RPS6KB1: variants seen among roughly 807,000 people sequenced by gnomAD.
RPS6KB1 encodes ribosomal protein S6 kinase beta-1.
A neutral mutation model predicts 70.2 loss-of-function variants in RPS6KB1; 12 were observed. That is an observed-to-expected ratio of 0.17 (90% CI 0.11 to 0.28). RPS6KB1 has a LOEUF of 0.28. Ranked by LOEUF, RPS6KB1 falls within the 10% of genes least tolerant of loss-of-function variation. The probability of loss-of-function intolerance (pLI) is 1.00; values close to 1 mark genes in which losing one functional copy is unlikely to be tolerated. For missense variants in RPS6KB1, 270 were observed against 646.6 expected, an observed-to-expected ratio of 0.42 and a Z score of 6.32; for synonymous variants, 175 against 211.2, an observed-to-expected ratio of 0.83 and a Z score of 1.49.
chr17:59,947,064 A>G lies in RPS6KB1; in HGVS notation c.*276A>G. ...AACCTTATCAAGGATTTTCATGTTG[A>G]TGACTCGAAACTGACAGTATTAAGG... On this transcript the variant is annotated 3_prime_UTR_variant, in exon 15 of 15. Transcript: ENST00000225577. 6 of 1,271,438 alleles carry G rather than the reference A, an allele frequency of 4.7e-6. No homozygotes were observed. Among genetic ancestry groups the G allele is most frequent in the Non-Finnish European group, 6.0e-6 (6 of 999,454 alleles). The allele number at this position is 1,271,438 out of a possible 1,614,324, so 78.8% of individuals were successfully genotyped here.
chr17:59,926,360 G>T (rs1354082854), intron 4 of RPS6KB1, 75 bp from the exon 5 acceptor site: 5 of 1,142,076 alleles, frequency 4.4e-6, no homozygotes, highest in African/African-American at 1.6e-5. Context: ...ACACAAAATA[G>T]ATTTTAGAAT....
At chr17:59,938,170 CT>C (rs72001861) in intron 12 of RPS6KB1, among the ~76,000 whole-genome samples, 21,302 of 70,392 alleles carry the variant, frequency 0.3, 1,794 homozygotes, top group East Asian at 0.43. Flanking sequence ...TCTTTTCTTT[CT>C]TTTTTTTTTT....
chr17:59,946,484 T>C lies in RPS6KB1; in HGVS notation c.1341-67T>C. 1 of 1,212,672 alleles carries C rather than the reference T, an allele frequency of 8.2e-7. No homozygotes were observed. Among genetic ancestry groups the C allele is most frequent in the Non-Finnish European group, 1.2e-6 (1 of 824,786 alleles). 75.1% of individuals were successfully genotyped at this position (1,212,672 alleles called of 1,614,324 possible). ...CATGTTACCCCACTCCCTTTAAACG[T>C]AAAGGAAATATGTCTTGTTGAGATG... On this transcript the variant is annotated intron_variant, in intron 14 of 14. Transcript: ENST00000225577. This position sits in a 1 kb window ranked among gnomAD's most constrained non-coding sequence, Gnocchi z 4.2.
chr17:59,935,153 C>T (rs1371749431), intron 9 of RPS6KB1, 40 bp from the exon 10 acceptor site: 3 of 1,252,164 alleles, frequency 2.4e-6, no homozygotes. Context: ...TAATATTTTT[C>T]TCTCCCTGCT....
At position 59,921,833 on chromosome 17, in the gene RPS6KB1, C is replaced by T. The variant is rs188158772; in HGVS notation, c.382-4602C>T. Among the ~76,000 whole-genome samples the T allele has an allele frequency of 1.6e-3, 241 of 152,310 alleles. 4 individuals are homozygous for T. The South Asian group carries it at 0.023, about 15-fold the overall frequency. ...AGAACCTTTGGCCAAAGGTGTTCTCCACCTCTGAAATATTGCGGTTTCATA... is the reference window on the plus strand; with the variant it reads ...AGAACCTTTGGCCAAAGGTGTTCTCTACCTCTGAAATATTGCGGTTTCATA... On this transcript the variant is annotated intron_variant, in intron 4 of 14. Transcript: ENST00000225577.
At chr17:59,935,569 G>A (rs901790762) in intron 10 of RPS6KB1, among the ~76,000 whole-genome samples, 7 of 151,780 alleles carry the variant, frequency 4.6e-5, no homozygotes, top group African/African-American at 1.5e-4. Flanking sequence ...CAGTCTCCCA[G>A]GTTCAAGCGA....
intron 1 of RPS6KB1, among the ~76,000 whole-genome samples, chr17:59,900,732 T>A (rs1246354230): frequency 2.0e-5 from 3 of 152,164 alleles, no homozygotes; most frequent in Non-Finnish European, 4.4e-5. Context: ...TTAGATTGAT[T>A]TTAAAGCTAT....
At chr17:59,894,442 G>A (rs1239527889) in intron 1 of RPS6KB1, among the ~76,000 whole-genome samples, 1 of 152,162 alleles carries the variant, frequency 6.6e-6, no homozygotes, top group Non-Finnish European at 1.5e-5. Context: ...GACGTCAGAT[G>A]TTTGCTCTAA....
intron 13 of RPS6KB1, 59 bp from the exon 14 acceptor site, chr17:59,945,347 C>T (rs775159534): frequency 1.1e-6 from 1 of 881,560 alleles, no homozygotes; most frequent in Non-Finnish European, 1.9e-6. Flanking sequence ...TGAACAACCC[C>T]ATTCTCTTGA....
At chr17:59,931,391 T>A (rs1319537965) in intron 6 of RPS6KB1, 1 of 472,004 alleles carries the variant, frequency 2.1e-6, no homozygotes, top group East Asian at 3.9e-5. Flanking sequence ...TAGCAATATA[T>A]TCTAATGGCA....
chr17:59,904,899 G>A (rs2042177001), intron 1 of RPS6KB1, among the ~76,000 whole-genome samples: 1 of 151,982 alleles, frequency 6.6e-6, no homozygotes, highest in Admixed American at 6.6e-5. Flanking sequence ...GTTTCACTAT[G>A]TTGGCCAGGC....
chr17:59,939,500 C>G (rs932358165), intron 12 of RPS6KB1, among the ~76,000 whole-genome samples: 46 of 151,274 alleles, frequency 3.0e-4, no homozygotes, highest in African/African-American at 1.1e-3. Context: ...GGCTGGTCTT[C>G]AACTCCTGAG....
intron 13 of RPS6KB1, among the ~76,000 whole-genome samples, chr17:59,944,921 C>T (rs1172714558): frequency 2.0e-5 from 3 of 151,836 alleles, no homozygotes; most frequent in Admixed American, 6.6e-5. Context: ...GCCTCAGCCT[C>T]CCGAGTAGCT....
In RPS6KB1 at chr17:59,933,235, TAACTG is replaced by T. The variant is rs150300415; in HGVS notation, c.689-932_689-928del. ...TTTTTTTAAGGAGAAATGATATACTTAACTGAATATATCATGGGAATCAGTGTCTC... is the reference window on the plus strand; with the variant it reads ...TTTTTTTAAGGAGAAATGATATACTTAATATATCATGGGAATCAGTGTCTC... On this transcript the variant is annotated intron_variant, in intron 7 of 14. Transcript: ENST00000225577. 1.8e-4 allele frequency among the ~76,000 whole-genome samples: 27 copies of T among 151,898 alleles called. No homozygotes were observed. In the East Asian group the frequency reaches 4.8e-3, roughly 27 times the overall value.
intron 13 of RPS6KB1, among the ~76,000 whole-genome samples, chr17:59,943,774 G>A (rs2145064722): frequency 6.6e-6 from 1 of 151,338 alleles, no homozygotes; most frequent in East Asian, 1.9e-4. Context: ...GGAGGCTGAG[G>A]CAGGAGAATC....
intron 5 of RPS6KB1, among the ~76,000 whole-genome samples, chr17:59,929,260 A>G (rs1422684577): frequency 6.6e-6 from 1 of 151,972 alleles, no homozygotes; most frequent in Non-Finnish European, 1.5e-5. Flanking sequence ...CCTCCCAGGT[A>G]GCTGGGATTA....
chr17:59,908,988 G>A (rs1292587932), intron 1 of RPS6KB1, among the ~76,000 whole-genome samples: 4 of 146,008 alleles, frequency 2.7e-5, no homozygotes, highest in African/African-American at 1.0e-4. Flanking sequence ...GTGCAATGGC[G>A]CGATCTCGGC....
chr17:59,906,151 C>A (rs2144733209), intron 1 of RPS6KB1, among the ~76,000 whole-genome samples: 1 of 152,236 alleles, frequency 6.6e-6, no homozygotes, highest in South Asian at 2.1e-4. Flanking sequence ...GCAGTTTTAT[C>A]AAAAATTAGT....
chr17:59,931,878 G>C (rs1049473450), intron 7 of RPS6KB1, among the ~76,000 whole-genome samples, 156 bp downstream of exon 7: 1 of 152,092 alleles, frequency 6.6e-6, no homozygotes, highest in East Asian at 1.9e-4. Flanking sequence ...GATATTTTAA[G>C]TCTTTAGGTA....
Sources: allele counts gnomAD v4.1 joint callset (sites outside exome capture counted in the v4.1 genomes callset), GRCh38; gene constraint gnomAD v4.1.1; non-coding constraint Gnocchi (gnomAD v3.1); transcripts MANE v1.5; gene names NCBI Gene and HGNC (gene_info 2026-07-23, HGNC 2026-07-21).